MAD2L1BP: variants seen among roughly 807,000 people sequenced by gnomAD.
MAD2L1BP encodes the protein MAD2L1-binding protein.
In MAD2L1BP, 22 loss-of-function variants were observed where a neutral mutation model predicts 28.4. The observed-to-expected ratio is 0.77, with a 90% CI of 0.55 to 1.10. MAD2L1BP has a LOEUF of 1.10. Ranked by LOEUF, MAD2L1BP falls within the 50% of genes least tolerant of loss-of-function variation. MAD2L1BP has a pLI of 0.00. For missense variants in MAD2L1BP, 325 were observed against 350.5 expected (o/e 0.93, Z 0.58); for synonymous variants, 146 against 133.7 (o/e 1.09, Z -0.63).
intron 2 of MAD2L1BP, among the ~76,000 whole-genome samples, chr6:43,638,149 T>C (rs139860825): frequency 0.033 from 4,993 of 150,760 alleles, 267 homozygotes; most frequent in African/African-American, 0.11. Flanking sequence ...CCGCCCGCCT[T>C]GGCCTCCCAA....
chr6:43,632,828 T>C (rs138388400), upstream of MAD2L1BP, among the ~76,000 whole-genome samples: 73 of 151,796 alleles, frequency 4.8e-4, 1 homozygote, highest in East Asian at 0.012. Context: ...CAAGACCAGC[T>C]TGGCCAACAT....
At chr6:43,634,879 T>A (rs940947981), upstream of MAD2L1BP, among the ~76,000 whole-genome samples, 4 of 152,206 alleles carry the variant, frequency 2.6e-5, no homozygotes, top group African/African-American at 9.6e-5. Context: ...CTATTTCTAT[T>A]CCTCCTCCTC....
In MAD2L1BP at chr6:43,640,215, G is replaced by A; in HGVS notation, c.507G>A (p.Leu169=). The A allele has an allele frequency of 6.2e-7, 1 of 1,613,968 alleles. No individual in the cohort carries two copies. The highest frequency in any genetic ancestry group is 8.5e-7 in the Non-Finnish European group (1 of 1,179,970). ...CCAAGGAGTTCTATGAACTCGACTT[G>A]TCTCTGCTGGCCCCCTACAGCGTGG... is the stretch of plus-strand genomic sequence containing the variant. The part of the protein sequence containing the change: ...LSPKEFYELD[L]SLLAPYSVDQ... Residue 169 remains leucine, a synonymous_variant, in exon 3 of 3, where the codon TTG becomes TTA. Coordinates refer to ENST00000372171, the MANE Select transcript of MAD2L1BP (RefSeq NM_014628.3).
At chr6:43,629,648 C>G (rs1769770045) in exon 1 of MAD2L1BP, 1 of 1,292,514 alleles carries the variant, frequency 7.7e-7, no homozygotes, top group East Asian at 2.5e-5. Flanking sequence ...GGCCCTTTAG[C>G]GCGGATCCTA....
At position 43,635,927 on chromosome 6, in the gene MAD2L1BP, G is replaced by T. The variant is rs896335322; in HGVS notation, c.46+6G>T. On this transcript the variant is annotated splice_donor_region_variant and intron_variant, in intron 1 of 2. Transcript: ENST00000372171. The stretch of plus-strand genomic sequence containing the variant: ...GTCCTCAGCCGCAGTCCCTGGTAAG[G>T]CGTGGGGCCAAGAGTTTGGGGAGCC... 5.9e-6 allele frequency: 9 copies of T among 1,517,760 alleles called. No homozygotes were observed. Among genetic ancestry groups the T allele is most frequent in the Non-Finnish European group, 6.2e-6 (7 of 1,136,992 alleles). The allele number at this position is 1,517,760 out of a possible 1,614,324, so 94.0% of individuals were successfully genotyped here. A position where few individuals can be genotyped will look rare whatever the true frequency, so the allele number is the denominator to read the frequency against.
At chr6:43,634,599 C>T (rs1770098571), upstream of MAD2L1BP, among the ~76,000 whole-genome samples, 1 of 151,830 alleles carries the variant, frequency 6.6e-6, no homozygotes. Flanking sequence ...CTCACTCTGT[C>T]ACCTAGGCTG....
chr6:43,636,756 C>G, intron 2 of MAD2L1BP, 110 bp downstream of exon 2: 1 of 1,285,364 alleles, frequency 7.8e-7, no homozygotes, highest in South Asian at 1.4e-5. Context: ...GAATAAGCAG[C>G]TTCCAGGGCT....
intron 1 of MAD2L1BP, 92 bp downstream of exon 1, chr6:43,636,013 C>T (rs1770196274): frequency 7.8e-7 from 1 of 1,283,562 alleles, no homozygotes; most frequent in Non-Finnish European, 1.1e-6. Flanking sequence ...TGGTCCTCTC[C>T]CTAGCCCGTC....
chr6:43,636,123 G>T (rs1158202957), intron 1 of MAD2L1BP, among the ~76,000 whole-genome samples: 1 of 152,136 alleles, frequency 6.6e-6, no homozygotes, highest in South Asian at 2.1e-4. Flanking sequence ...CATTTCCCCA[G>T]ATCAAGTCCC....
chr6:43,633,388 T>C (rs1478056906), upstream of MAD2L1BP: 6 of 298,152 alleles, frequency 2.0e-5, no homozygotes, highest in Admixed American at 2.9e-4. Flanking sequence ...GTCAGGCTGG[T>C]CTCAAACTCC....
intron 2 of MAD2L1BP, among the ~76,000 whole-genome samples, chr6:43,639,385 C>T (rs150979041): frequency 1.1e-3 from 167 of 152,268 alleles, no homozygotes; most frequent in African/African-American, 3.8e-3. Context: ...GTGATCCGCC[C>T]GCCTCGGCCT....
intron 1 of MAD2L1BP, chr6:43,629,775 T>A: frequency 8.3e-6 from 13 of 1,563,162 alleles, no homozygotes; most frequent in Non-Finnish European, 1.1e-5. Flanking sequence ...CTGGGGTGAG[T>A]CAGGGCGAAC....
chr6:43,632,662 C>CTTT (rs775956301), upstream of MAD2L1BP, among the ~76,000 whole-genome samples: 45 of 107,326 alleles, frequency 4.2e-4, no homozygotes, highest in Admixed American at 8.6e-4. Context: ...TGACACTTGT[C>CTTT]TTTTTTTTTT....
In MAD2L1BP at chr6:43,636,823, A is replaced by G. The variant is rs9472093; in HGVS notation, c.312+177A>G. ...TAGCCTAACCCTTCTGGCTTTTTCA[A>G]CTGTTCTTTCTTTCTGAAACTCACG... is the stretch of plus-strand genomic sequence containing the variant. On this transcript the variant is annotated intron_variant, in intron 2 of 2. Coordinates refer to ENST00000372171, the MANE Select transcript of MAD2L1BP (RefSeq NM_014628.3). 5.7e-3 allele frequency: 3,957 copies of G among 692,450 alleles called. 128 individuals are homozygous for G. The African/African-American group carries it at 0.062, about 11-fold the overall frequency. 42.9% of individuals were successfully genotyped at this position (692,450 alleles called of 1,614,324 possible). A position where few individuals can be genotyped will look rare whatever the true frequency, so the allele number is the denominator to read the frequency against.
At chr6:43,636,740 C>T in intron 2 of MAD2L1BP, 94 bp downstream of exon 2, 4 of 1,440,944 alleles carry the variant, frequency 2.8e-6, no homozygotes, top group South Asian at 1.3e-5. Context: ...TCTTCAAAGC[C>T]TGAGAGAATA....
rs769067237 is a variant in MAD2L1BP at position 43,636,505 on chromosome 6, A to C, written c.171A>C (p.Pro57=). Residue 57 remains proline, a synonymous_variant, in exon 2 of 3, where the codon CCA becomes CCC. Coordinates refer to ENST00000372171, the MANE Select transcript of MAD2L1BP (RefSeq NM_014628.3). ...TTTGCCCAAGAGACTGCATGGTACC[A>C]GTGGTGTTTCCTGGGCCTGTGAGCC... ...EAFCPRDCMV[P]VVFPGPVSQE... is the part of the protein sequence containing the mutation. 6.2e-7 allele frequency: 1 copy of C among 1,614,146 alleles called. No individual in the cohort carries two copies. The highest frequency in any genetic ancestry group is 8.5e-7 in the Non-Finnish European group (1 of 1,180,014).
chr6:43,639,962 A>T (rs1770474417), intron 2 of MAD2L1BP, 59 bp from the exon 3 acceptor site: 2 of 1,472,144 alleles, frequency 1.4e-6, no homozygotes, highest in South Asian at 2.8e-5. Flanking sequence ...GGTTCTTTTC[A>T]AAGAGCATTA....
chr6:43,639,454 A>G (rs566432599), intron 2 of MAD2L1BP, among the ~76,000 whole-genome samples: 1 of 152,294 alleles, frequency 6.6e-6, no homozygotes, highest in Non-Finnish European at 1.5e-5. Context: ...TTCATCTTCT[A>G]TCTTCCAAAA....
At chr6:43,634,199 CCTTTTTTTTTTTCTTTTTTT>C, upstream of MAD2L1BP, among the ~76,000 whole-genome samples, 1 of 150,016 alleles carries the variant, frequency 6.7e-6, no homozygotes, top group Non-Finnish European at 1.5e-5. Flanking sequence ...TTTCCTCCAT[CCTTTTTTTTTTTCTTTTTTT>C]CTTTTTTTTT....
Sources: allele counts gnomAD v4.1 joint callset (sites outside exome capture counted in the v4.1 genomes callset), GRCh38; gene constraint gnomAD v4.1.1; transcripts MANE v1.5; gene names NCBI Gene and HGNC (gene_info 2026-07-23, HGNC 2026-07-21).